The following DDX31 variants were observed in gnomAD, a reference collection of about 807,000 sequenced individuals.
DDX31 encodes DEAD-box helicase 31.
In DDX31, 70 loss-of-function variants were observed where a neutral mutation model predicts 91.3. The observed-to-expected ratio is 0.77, with a 90% CI of 0.63 to 0.94. The LOEUF (loss-of-function observed/expected upper bound fraction) is 0.94. Ranked by LOEUF, DDX31 falls within the 40% of genes least tolerant of loss-of-function variation. The pLI, the probability that DDX31 is intolerant of heterozygous loss-of-function variation, is 0.00. For synonymous variants in DDX31, 362 were observed against 350.6 expected (o/e 1.03, Z -0.36); for missense variants, 902 against 925.0 (o/e 0.98, Z 0.32).
chr9:132,594,872 T>C lies in DDX31; in HGVS notation c.2235A>G (p.Lys745=), dbSNP rs749596077. The C allele has an allele frequency of 1.2e-6, 2 of 1,613,150 alleles. No individual in the cohort carries two copies. The highest frequency in any genetic ancestry group is 1.7e-6 in the Non-Finnish European group (2 of 1,179,752). ...GVQRDSKTSQ[K]V ...TCGAAGACCCAGAGAGATTTTAAACTTTCTGGGAAGTCTTGCTGTCCCGCT... is the reference window on the plus strand; with the variant it reads ...TCGAAGACCCAGAGAGATTTTAAACCTTCTGGGAAGTCTTGCTGTCCCGCT... Residue 745 remains lysine (K), a synonymous_variant, in exon 20 of 20, where the codon AAA becomes AAG. Transcript: ENST00000372159.
chr9:132,641,624 G>A lies in DDX31; in HGVS notation c.1440+380C>T, dbSNP rs556881772. 5.9e-5 allele frequency among the ~76,000 whole-genome samples: 9 copies of A among 152,300 alleles called. No homozygotes were observed. The South Asian group carries it at 1.0e-3, about 18-fold the overall frequency. ...CAAATAAAATCGGCCCAAATGCACC[G>A]ATTTTCCTTTAAGAAAAGGTAAGCA... On this transcript the variant is annotated intron_variant, in intron 14 of 19. Transcript: ENST00000372159.
chr9:132,603,106 A>G (rs1189823984), intron 19 of DDX31, among the ~76,000 whole-genome samples: 5 of 152,210 alleles, frequency 3.3e-5, no homozygotes, highest in Non-Finnish European at 7.3e-5. Context: ...GATAATGTGC[A>G]TGGAGGACTC....
chr9:132,642,210 T>A (rs1031862774), intron 13 of DDX31, 147 bp from the exon 14 acceptor site: 2 of 717,190 alleles, frequency 2.8e-6, no homozygotes, highest in Non-Finnish European at 4.8e-6. Context: ...AAGAAGCGGA[T>A]TCTTTACATC....
rs767839862 is a variant in DDX31, at chr9:132,630,290, G to A, written c.1605C>T (p.Val535=). Residue 535 remains valine, a synonymous_variant, in exon 16 of 20, where the codon GTC becomes GTT. Coordinates refer to ENST00000372159, the MANE Select transcript of DDX31 (RefSeq NM_022779.9). ...LILAPSEAEY[V]NSLASHKINV... is the part of the protein sequence containing the mutation. Reference sequence around the variant, plus strand: ...TGATTTTGTGAGAAGCCAACGAGTTGACATATTCTGCCTCCGAAGGAGCCA... The same window carrying A: ...TGATTTTGTGAGAAGCCAACGAGTTAACATATTCTGCCTCCGAAGGAGCCA... 1 of 1,585,264 alleles carries A rather than the reference G, an allele frequency of 6.3e-7. No homozygotes were observed. Among genetic ancestry groups the A allele is most frequent in the Non-Finnish European group, 8.6e-7 (1 of 1,156,802 alleles).
intron 13 of DDX31, among the ~76,000 whole-genome samples, chr9:132,645,221 ACC>A (rs1564320002): frequency 6.6e-6 from 1 of 151,510 alleles, no homozygotes; most frequent in Non-Finnish European, 1.5e-5. Context: ...CCCATATTCC[ACC>A]CCGACTCCAT....
chr9:132,611,067 CTTCCCGG>C (rs1298203528), intron 19 of DDX31, among the ~76,000 whole-genome samples: 1 of 152,232 alleles, frequency 6.6e-6, no homozygotes, highest in African/African-American at 2.4e-5. Flanking sequence ...CAGAGTGGTC[CTTCCCGG>C]TGAACAGGCA....
chr9:132,669,297 T>G (rs1229146940), intron 1 of DDX31, among the ~76,000 whole-genome samples: 2 of 115,524 alleles, frequency 1.7e-5, no homozygotes, highest in Non-Finnish European at 3.2e-5. Flanking sequence ...TTTCAAAATG[T>G]GGCAAAGAAA....
intron 14 of DDX31, among the ~76,000 whole-genome samples, chr9:132,636,429 G>A (rs749934744): frequency 4.6e-5 from 7 of 152,208 alleles, no homozygotes; most frequent in Non-Finnish European, 1.0e-4. Context: ...GTAGGCACGG[G>A]CTGCTTGAGC....
At chr9:132,607,142 C>T (rs1387917849) in intron 19 of DDX31, among the ~76,000 whole-genome samples, 3 of 152,122 alleles carry the variant, frequency 2.0e-5, no homozygotes, top group Non-Finnish European at 4.4e-5. Context: ...TAAGGAAATC[C>T]TCTGCAAGGC....
chr9:132,647,122 G>T (rs573397711), intron 11 of DDX31, 64 bp from the exon 12 acceptor site: 8 of 1,480,330 alleles, frequency 5.4e-6, no homozygotes, highest in South Asian at 3.5e-5. Context: ...TCACAAAAGC[G>T]TACCCCCATA....
intron 19 of DDX31, among the ~76,000 whole-genome samples, chr9:132,596,619 G>A (rs1350929867): frequency 6.6e-6 from 1 of 152,200 alleles, no homozygotes; most frequent in Non-Finnish European, 1.5e-5. Context: ...CTCATTTACA[G>A]ACAAGGACAC....
At chr9:132,660,348 A>AG (rs1312532553) in intron 4 of DDX31, among the ~76,000 whole-genome samples, 17 of 151,850 alleles carry the variant, frequency 1.1e-4, no homozygotes, top group Non-Finnish European at 1.9e-4. Flanking sequence ...AAAAAAAAAA[A>AG]AAAAGAAAAA....
At chr9:132,634,368 A>G (rs1179685926) in intron 14 of DDX31, among the ~76,000 whole-genome samples, 4 of 151,840 alleles carry the variant, frequency 2.6e-5, no homozygotes, top group African/African-American at 9.7e-5. Flanking sequence ...ATGCCCACGC[A>G]CACACACACA....
At chr9:132,632,136 C>A in intron 14 of DDX31, 45 bp from the exon 15 acceptor site, 1 of 1,572,430 alleles carries the variant, frequency 6.4e-7, no homozygotes, top group East Asian at 2.3e-5. Context: ...GTTTCTGAAC[C>A]TTTCTGGGGT....
At chr9:132,638,317 G>A in intron 14 of DDX31, 1 of 1,613,964 alleles carries the variant, frequency 6.2e-7, no homozygotes, top group Non-Finnish European at 8.5e-7. Context: ...CATAATGATG[G>A]TATTAAAAGC....
At chr9:132,661,082 A>T (rs950362415) in intron 4 of DDX31, 126 bp downstream of exon 4, 8 of 802,668 alleles carry the variant, frequency 1.0e-5, no homozygotes, top group Non-Finnish European at 1.3e-5. Context: ...ACAACCCTTT[A>T]TGGTCGATAA....
At chr9:132,628,507 G>C (rs1439775762) in intron 16 of DDX31, among the ~76,000 whole-genome samples, 3 of 152,176 alleles carry the variant, frequency 2.0e-5, no homozygotes, top group Non-Finnish European at 2.9e-5. Flanking sequence ...TCGTGCCTTT[G>C]CTAATCACTG....
chr9:132,620,165 C>T (rs572206423), intron 17 of DDX31, among the ~76,000 whole-genome samples: 4 of 152,060 alleles, frequency 2.6e-5, no homozygotes, highest in Admixed American at 2.0e-4. Context: ...TGTATACATT[C>T]TGTAACAGCT....
At chr9:132,660,024 TAAAC>T in intron 4 of DDX31, among the ~76,000 whole-genome samples, 1 of 152,258 alleles carries the variant, frequency 6.6e-6, no homozygotes, top group Non-Finnish European at 1.5e-5. Context: ...GCCATTCTAT[TAAAC>T]TAATTCTTTT....
Sources: gnomAD v4.1 joint callset for allele counts (sites outside exome capture counted in the v4.1 genomes callset) on GRCh38, gnomAD v4.1.1 for gene constraint, MANE v1.5 for transcripts, NCBI Gene and HGNC (gene_info 2026-07-23, HGNC 2026-07-21) for gene names.